SYNE2: variants seen among roughly 807,000 people sequenced by gnomAD.
SYNE2 encodes spectrin repeat containing nuclear envelope protein 2.
SYNE2 carries 431 observed loss-of-function variants against 856.3 expected under a neutral mutation model. The observed-to-expected ratio is 0.50, with a 90% confidence interval of 0.47 to 0.55. SYNE2 has a LOEUF of 0.55. SYNE2 is among the 20% of genes least tolerant of loss of function. The pLI is 0.00. For synonymous variants in SYNE2, 2,923 were observed against 2,872.3 expected (o/e 1.02, Z -0.56); for missense variants, 8,129 against 8,023.2 (o/e 1.01, Z -0.50).
In SYNE2 at chr14:64,137,962, C is replaced by T; in HGVS notation, c.14822C>T (p.Ala4941Val). The T allele has an allele frequency of 6.2e-7, 1 of 1,613,996 alleles. No homozygotes were observed. Residue 4941 changes from alanine to valine, a missense_variant, in exon 79 of 116, where the codon GCT becomes GTT. By Grantham distance (64) the Ala-to-Val change is moderately conservative. Transcript: ENST00000555002. ...GACCATGAGCTCCACAGGCTGCAAG[C>T]TCTTCTCAAGCATCTGCTCAGGTCA... ...KIDHELHRLQ[A>V]LLKHLLSYNR... is the part of the protein sequence containing the mutation.
chr14:63,931,101 G>A (rs955258491), intron 2 of SYNE2, among the ~76,000 whole-genome samples: 2 of 152,154 alleles, frequency 1.3e-5, no homozygotes, highest in Non-Finnish European at 2.9e-5. Context: ...TATCTGGAGA[G>A]CTGGAGAATT....
At chr14:64,184,329 G>GGTGTGTGTGTGT (rs767980383) in intron 96 of SYNE2, among the ~76,000 whole-genome samples, 5,120 of 144,188 alleles carry the variant, frequency 0.036, 105 homozygotes, top group Middle Eastern at 0.045. Flanking sequence ...TATGCATAGG[G>GGTGTGTGTGTGT]GTGTGTGTGT....
At position 64,216,386 on chromosome 14, in the gene SYNE2, A is replaced by T. The variant is rs371414349; in HGVS notation, c.19541A>T (p.Tyr6514Phe). The T allele has an allele frequency of 6.2e-7, 1 of 1,614,068 alleles. No homozygotes were observed. Among genetic ancestry groups the T allele is most frequent in the Non-Finnish European group, 8.5e-7 (1 of 1,179,930 alleles). ...PASSTPYKPP[Y>F]GKLLLPPGTD... The stretch of plus-strand genomic sequence containing the variant: ...TCCAGCACCCCTTATAAACCACCCT[A>T]TGTAAGTCTTAACTTCACTGGGAGT... Residue 6514 changes from tyrosine (Y) to phenylalanine (F), a missense_variant and splice_region_variant, in exon 108 of 116, where the codon TAT becomes TTT. Coordinates refer to ENST00000555002, the MANE Select transcript of SYNE2 (RefSeq NM_182914.3).
At position 64,048,139 on chromosome 14, in the gene SYNE2, A is replaced by G. The variant is rs2097199388; in HGVS notation, c.7361A>G (p.Gln2454Arg). 1.2e-6 allele frequency: 2 copies of G among 1,613,276 alleles called. No homozygotes were observed. ...TTAGATACTATGTTAAGAAATGAACAATTAGAAGAGATAGAGGTATGGAAA... is the reference window on the plus strand; with the variant it reads ...TTAGATACTATGTTAAGAAATGAACGATTAGAAGAGATAGAGGTATGGAAA... ...LELDTMLRNE[Q>R]LEEIEKLYTQ... The change falls in exon 46 of 116, where the codon CAA becomes CGA. Residue 2454 changes from glutamine (Q) to arginine (R), a missense_variant. Gln to Arg is a conservative substitution (Grantham distance 43). This residue lies in a region of SYNE2 where 5,410 missense variants were observed against 5,284.8 expected (regional missense o/e 1.02). Coordinates refer to ENST00000555002, the MANE Select transcript of SYNE2 (RefSeq NM_182914.3).
rs1316734811 is a variant in SYNE2 at position 63,815,205 on chromosome 14, C to CATATATATATGGATAT, written c.-304-37286_-304-37285insGGATATATATATATAT. 6.3e-5 allele frequency among the ~76,000 whole-genome samples: 6 copies of CATATATATATGGATAT among 94,610 alleles called. 1 individual carries two copies. Among genetic ancestry groups the CATATATATATGGATAT allele is most frequent in the Admixed American group, 3.8e-4 (3 of 7,836 alleles). The allele number at this position is 94,610 out of a possible 152,430, so 62.1% of individuals were successfully genotyped here. A position where few individuals can be genotyped will look rare whatever the true frequency, so the allele number is the denominator to read the frequency against. Reference sequence around the variant, plus strand: ...CCATATATATATCCATATATATATCCATATATATATCCATATATATATCCA... The same window carrying CATATATATATGGATAT: ...CCATATATATATCCATATATATATCCATATATATATGGATATATATATATATCCATATATATATCCA... On this transcript the variant is annotated intron_variant, in intron 1 of 23. Coordinates refer to the SYNE2 transcript ENST00000674003.
At chr14:64,033,089 G>T (rs2097054475) in intron 45 of SYNE2, among the ~76,000 whole-genome samples, 1 of 152,166 alleles carries the variant, frequency 6.6e-6, no homozygotes, top group African/African-American at 2.4e-5. Context: ...GATCACATGA[G>T]CCCCGAAGGT....
chr14:63,960,845 G>A, intron 8 of SYNE2: 1 of 739,994 alleles, frequency 1.4e-6, no homozygotes, highest in Non-Finnish European at 2.5e-6. Flanking sequence ...AGGAGTTTGA[G>A]ACCAGACTGG....
chr14:63,954,618 T>G, intron 7 of SYNE2, 101 bp from the exon 8 acceptor site: 2 of 1,039,540 alleles, frequency 1.9e-6, no homozygotes, highest in Non-Finnish European at 2.9e-6. Flanking sequence ...ATGTATCTAA[T>G]TTACTTGATT....
At chr14:63,949,793 T>C (rs2096121698) in intron 6 of SYNE2, 32 bp from the exon 7 acceptor site, 4 of 1,613,430 alleles carry the variant, frequency 2.5e-6, no homozygotes, top group Admixed American at 3.3e-5. Flanking sequence ...CTTATGCTTT[T>C]ATAAACGTTA....
chr14:63,901,224 ACACT>A (rs1441687546), intron 1 of SYNE2, among the ~76,000 whole-genome samples: 8 of 152,226 alleles, frequency 5.3e-5, no homozygotes, highest in Admixed American at 1.3e-4. Flanking sequence ...AATTTCTGAC[ACACT>A]CAGAGAATTT....
Position 64,158,618 on chromosome 14 carries a change from T to C in SYNE2, c.15793-7T>C. The C allele has an allele frequency of 6.2e-7, 1 of 1,613,872 alleles. No individual in the cohort carries two copies. Among genetic ancestry groups the C allele is most frequent in the South Asian group, 1.1e-5 (1 of 91,072 alleles). ...TCTAAATCAGTACGTTTCCACTTTT[T>C]GTCTAGGTCAATCAGCTCAAAACCT... On this transcript the variant is annotated splice_region_variant and splice_polypyrimidine_tract_variant and intron_variant, in intron 85 of 115. Transcript: ENST00000555002.
intron 2 of SYNE2, among the ~76,000 whole-genome samples, chr14:63,930,894 T>G (rs949500555): frequency 6.6e-6 from 1 of 152,160 alleles, no homozygotes; most frequent in Non-Finnish European, 1.5e-5. Context: ...TAGCAAATTA[T>G]TGAACCTGAG....
At chr14:63,938,988 A>G (rs1028982140) in intron 2 of SYNE2, among the ~76,000 whole-genome samples, 2 of 152,156 alleles carry the variant, frequency 1.3e-5, no homozygotes, top group Non-Finnish European at 2.9e-5. Context: ...GAGTGTCTGC[A>G]TGTGTGCATG....
intron 110 of SYNE2, 53 bp from the exon 111 acceptor site, chr14:64,220,384 C>T: frequency 1.3e-6 from 2 of 1,596,522 alleles, no homozygotes; most frequent in Non-Finnish European, 1.7e-6. Flanking sequence ...TCAAAATGAG[C>T]CCCTCCTCCC....
At position 64,130,397 on chromosome 14, in the gene SYNE2, G is replaced by A. The variant is rs2098003827; in HGVS notation, c.14340+149G>A. On this transcript the variant is annotated intron_variant, in intron 76 of 115. Transcript: ENST00000555002. The stretch of plus-strand genomic sequence containing the variant: ...AAACATCTATTAGAATGCTTAATGT[G>A]TACCAGGAACCCTGGTACATGCTAG... 3.8e-6 allele frequency: 3 copies of A among 779,836 alleles called. No individual in the cohort carries two copies. In the Admixed American group the frequency reaches 6.6e-5, roughly 17 times the overall value. The allele number at this position is 779,836 out of a possible 1,614,324, so 48.3% of individuals were successfully genotyped here.
In SYNE2 at chr14:64,131,889, T is replaced by G. The variant is rs959365890; in HGVS notation, c.14341-376T>G. 1.3e-4 allele frequency among the ~76,000 whole-genome samples: 20 copies of G among 152,310 alleles called. 1 individual carries two copies. In the South Asian group the frequency reaches 3.5e-3, roughly 27 times the overall value. Reference sequence around the variant, plus strand: ...CACCTAAGGGTAATACTTTATAATTTGTTGAAGTTCCACTAGTGTTCAAAG... The same window carrying G: ...CACCTAAGGGTAATACTTTATAATTGGTTGAAGTTCCACTAGTGTTCAAAG... On this transcript the variant is annotated intron_variant, in intron 76 of 115. Coordinates refer to ENST00000555002, the MANE Select transcript of SYNE2 (RefSeq NM_182914.3).
chr14:64,122,517 A>G (rs768017715), intron 70 of SYNE2, 90 bp downstream of exon 70: 5 of 1,570,042 alleles, frequency 3.2e-6, no homozygotes, highest in Admixed American at 3.4e-5. Flanking sequence ...TTCTCCAGAA[A>G]GCAAAGTTGC....
intron 100 of SYNE2, chr14:64,207,901 A>T: frequency 2.4e-6 from 1 of 424,374 alleles, no homozygotes; most frequent in Non-Finnish European, 4.7e-6. Flanking sequence ...GACATCAGGG[A>T]TGCCTAACTC....
intron 20 of SYNE2, 141 bp from the exon 21 acceptor site, chr14:63,990,801 T>A: frequency 1.3e-6 from 1 of 795,378 alleles, no homozygotes; most frequent in Non-Finnish European, 2.1e-6. Flanking sequence ...TAGATAGATT[T>A]ATAATTTAGA....
Sources: allele counts gnomAD v4.1 joint callset (sites outside exome capture counted in the v4.1 genomes callset), GRCh38; gene constraint gnomAD v4.1.1; regional missense constraint gnomAD v4.1.1; transcripts MANE v1.5; gene names NCBI Gene and HGNC (gene_info 2026-07-23, HGNC 2026-07-21).